Variants in ATP10A observed in about 807,000 individuals in gnomAD.
ATP10A encodes the protein ATPase phospholipid transporting 10A (putative), also known as phospholipid-transporting ATPase VA.
In ATP10A, 111 loss-of-function variants were observed where a neutral mutation model predicts 147.8. The observed-to-expected ratio is 0.75, with a 90% CI of 0.64 to 0.88. The LOEUF (loss-of-function observed/expected upper bound fraction) is 0.88, where lower values mean the gene tolerates loss of function less well. Ranked by LOEUF, ATP10A falls within the 40% of genes least tolerant of loss-of-function variation. The pLI, the probability that ATP10A is intolerant of heterozygous loss-of-function variation, is 0.00. For synonymous variants in ATP10A, 875 were observed against 841.6 expected (o/e 1.04, Z -0.69); for missense variants, 1,927 against 1,959.0 (o/e 0.98, Z 0.31).
At position 25,679,347 on chromosome 15, in the gene ATP10A, T is replaced by C. The variant is rs1899228300; in HGVS notation, c.4494A>G (p.Ser1498=). The C allele has an allele frequency of 5.4e-6, 8 of 1,489,786 alleles. No individual in the cohort carries two copies. In the South Asian group the frequency reaches 7.1e-5, roughly 13 times the overall value. The allele number at this position is 1,489,786 out of a possible 1,614,324, so 92.3% of individuals were successfully genotyped here. The change falls in exon 21 of 21, where the codon TCA becomes TCG. Residue 1498 remains serine, a synonymous_variant. Coordinates refer to ENST00000555815, the MANE Select transcript of ATP10A (RefSeq NM_024490.4). ...AAAGGCCATTTCAAGGTTTTCACTG[T>C]GACCGCCTTGAAGATGCTCCTATAA... The part of the protein sequence containing the change: ...RLLIGASSRR[S]Q
intron 2 of ATP10A, among the ~76,000 whole-genome samples, chr15:25,764,669 G>A (rs1888932027): frequency 6.6e-6 from 1 of 152,200 alleles, no homozygotes. Context: ...TTATTTATAC[G>A]TGACCCAGTC....
intron 1 of ATP10A, among the ~76,000 whole-genome samples, chr15:25,791,497 C>T (rs182193105): frequency 1.1e-4 from 16 of 152,276 alleles, no homozygotes; most frequent in Non-Finnish European, 2.2e-4. Flanking sequence ...AGCAATCTTC[C>T]CACCTTGGCC....
chr15:25,719,705 G>T (rs1280483605), intron 7 of ATP10A, among the ~76,000 whole-genome samples: 1 of 152,162 alleles, frequency 6.6e-6, no homozygotes, highest in Non-Finnish European at 1.5e-5. Context: ...TGGCCCCTGG[G>T]ATGCCTTCCA....
At chr15:25,725,842 T>G in intron 5 of ATP10A, 109 bp downstream of exon 5, 6 of 1,319,788 alleles carry the variant, frequency 4.5e-6, no homozygotes, top group Non-Finnish European at 6.0e-6. Flanking sequence ...GGTCACCAAC[T>G]CCTGACCTCA....
At chr15:25,689,290 C>T (rs1190096478) in intron 15 of ATP10A, among the ~76,000 whole-genome samples, 1 of 152,224 alleles carries the variant, frequency 6.6e-6, no homozygotes, top group Admixed American at 6.5e-5. Context: ...CACCTTGTAT[C>T]CCTGGCTCCC....
At chr15:25,699,485 T>C (rs1900543895) in intron 13 of ATP10A, among the ~76,000 whole-genome samples, 1 of 152,174 alleles carries the variant, frequency 6.6e-6, no homozygotes, top group Non-Finnish European at 1.5e-5. Flanking sequence ...TAACGTGTAA[T>C]GCTTTTAGAA....
upstream of ATP10A, among the ~76,000 whole-genome samples, chr15:25,864,838 C>T (rs2076748): frequency 0.63 from 95,013 of 151,976 alleles, 33,084 homozygotes; most frequent in Non-Finnish European, 0.78. Flanking sequence ...CCTCTACCAG[C>T]CCACCTGGTG....
chr15:25,702,144 GC>G, intron 12 of ATP10A, 44 bp from the exon 13 acceptor site: 4 of 1,564,314 alleles, frequency 2.6e-6, no homozygotes, highest in Middle Eastern at 1.7e-4. Flanking sequence ...CTTCTCACGT[GC>G]CCCCCAATCC....
chr15:25,785,369 G>A (rs1890109541), intron 1 of ATP10A, among the ~76,000 whole-genome samples: 1 of 152,184 alleles, frequency 6.6e-6, no homozygotes, highest in Non-Finnish European at 1.5e-5. Context: ...CGAGGGGAGG[G>A]GCCTCAGGAG....
At chr15:25,674,166 G>A (rs994571551), downstream of ATP10A, among the ~76,000 whole-genome samples, 1 of 152,214 alleles carries the variant, frequency 6.6e-6, no homozygotes, top group Non-Finnish European at 1.5e-5. Context: ...CAGGGTTGGA[G>A]GGCAAAGAAG....
At chr15:25,808,354 A>G (rs1329946881) in intron 1 of ATP10A, among the ~76,000 whole-genome samples, 2 of 152,140 alleles carry the variant, frequency 1.3e-5, no homozygotes, top group African/African-American at 4.8e-5. Context: ...AACATGCTCC[A>G]GTTTACCTCA....
chr15:25,815,149 G>A (rs1021712357), intron 1 of ATP10A, among the ~76,000 whole-genome samples: 38 of 152,164 alleles, frequency 2.5e-4, no homozygotes, highest in African/African-American at 8.9e-4. Context: ...CAGAAGTTAC[G>A]CTCCATGAAA....
chr15:25,752,349 A>G (rs1055522543), intron 2 of ATP10A, among the ~76,000 whole-genome samples: 1 of 152,224 alleles, frequency 6.6e-6, no homozygotes, highest in African/African-American at 2.4e-5. Flanking sequence ...CATTTGCAAC[A>G]ACATGGATGG....
chr15:25,685,024 C>T (rs1899633341), intron 16 of ATP10A, among the ~76,000 whole-genome samples: 1 of 152,150 alleles, frequency 6.6e-6, no homozygotes, highest in South Asian at 2.1e-4. Flanking sequence ...CTCTCGCTCA[C>T]TCACCCCCGC....
intron 1 of ATP10A, among the ~76,000 whole-genome samples, chr15:25,818,795 C>A (rs1029054797): frequency 6.6e-6 from 1 of 151,960 alleles, no homozygotes; most frequent in Non-Finnish European, 1.5e-5. Flanking sequence ...CTGATACATT[C>A]AACTGATCTC....
intron 2 of ATP10A, among the ~76,000 whole-genome samples, chr15:25,773,320 A>G (rs1407656378): frequency 6.6e-6 from 1 of 152,160 alleles, no homozygotes; most frequent in Admixed American, 6.5e-5. Flanking sequence ...ACCAATTCAC[A>G]AAATTAAGAT....
chr15:25,719,896 A>T (rs1273133548), intron 7 of ATP10A, among the ~76,000 whole-genome samples: 1 of 152,192 alleles, frequency 6.6e-6, no homozygotes, highest in Non-Finnish European at 1.5e-5. Flanking sequence ...TTTATGAGTG[A>T]CATCTGGAGA....
intron 14 of ATP10A, among the ~76,000 whole-genome samples, chr15:25,692,605 T>TTA (rs1900097617): frequency 2.0e-5 from 3 of 152,202 alleles, no homozygotes; most frequent in Admixed American, 1.3e-4. Flanking sequence ...GAGACCAATA[T>TTA]TAACTGATCA....
intron 1 of ATP10A, among the ~76,000 whole-genome samples, chr15:25,849,500 G>A (rs1407948030): frequency 3.9e-5 from 6 of 152,152 alleles, no homozygotes; most frequent in Admixed American, 2.0e-4. Flanking sequence ...CTCCTTCTAC[G>A]CCTTCTCCAA....
Sources: gnomAD v4.1 joint callset for allele counts (sites outside exome capture counted in the v4.1 genomes callset) on GRCh38, gnomAD v4.1.1 for gene constraint, MANE v1.5 for transcripts, NCBI Gene and HGNC (gene_info 2026-07-23, HGNC 2026-07-21) for gene names.